The following HDAC9 variants were observed in gnomAD, a reference collection of about 807,000 sequenced individuals.
HDAC9 encodes the protein MEF-2 interacting transcription repressor (MITR) protein.
In HDAC9, 41 loss-of-function variants were observed where a neutral mutation model predicts 139.4. That is an observed-to-expected ratio of 0.29 (90% CI 0.23 to 0.38). The LOEUF (loss-of-function observed/expected upper bound fraction) is 0.38, where lower values mean the gene tolerates loss of function less well. HDAC9 is among the 10% of genes least tolerant of loss of function. The pLI is 1.00. For missense variants in HDAC9, 1,147 were observed against 1,297.0 expected (o/e 0.88, Z 1.78); for synonymous variants, 517 against 476.2 (o/e 1.09, Z -1.12).
chr7:18,704,805 G>C (rs1783758882), intron 12 of HDAC9, among the ~76,000 whole-genome samples: 1 of 152,086 alleles, frequency 6.6e-6, no homozygotes, highest in Non-Finnish European at 1.5e-5. Flanking sequence ...ATCACAAGCA[G>C]TTAAATACTA....
At chr7:18,621,364 C>T (rs1436125775) in intron 6 of HDAC9, among the ~76,000 whole-genome samples, 3 of 151,708 alleles carry the variant, frequency 2.0e-5, no homozygotes, top group African/African-American at 7.3e-5. Flanking sequence ...CTTACATAAT[C>T]GGAAGCAAGC....
At chr7:18,147,563 AAT>A (rs987109487) in intron 1 of HDAC9, among the ~76,000 whole-genome samples, 12 of 152,106 alleles carry the variant, frequency 7.9e-5, no homozygotes, top group Admixed American at 4.6e-4. Flanking sequence ...AATTCAGAAA[AAT>A]ATGAATAATA....
chr7:18,741,559 T>G (rs573015058), intron 13 of HDAC9, among the ~76,000 whole-genome samples: 88 of 152,340 alleles, frequency 5.8e-4, no homozygotes, highest in Non-Finnish European at 1.1e-3. Flanking sequence ...AGAACTCTGA[T>G]GGACATGTGC....
intron 2 of HDAC9, among the ~76,000 whole-genome samples, chr7:18,529,413 T>C (rs943709927): frequency 1.3e-5 from 2 of 152,228 alleles, no homozygotes; most frequent in Non-Finnish European, 2.9e-5. Context: ...ACAGAGATTT[T>C]ACTTTAGCCA....
chr7:18,219,480 G>A (rs1792534247), intron 2 of HDAC9, among the ~76,000 whole-genome samples: 1 of 151,988 alleles, frequency 6.6e-6, no homozygotes, highest in Admixed American at 6.6e-5. Flanking sequence ...GAGTTAAAAA[G>A]TGAGAAGATG....
chr7:18,665,930 C>T (rs911632209), intron 11 of HDAC9, among the ~76,000 whole-genome samples: 1 of 152,024 alleles, frequency 6.6e-6, no homozygotes, highest in African/African-American at 2.4e-5. Context: ...CCTTTTTCTA[C>T]ACCATGTTCT....
chr7:18,806,533 T>C (rs1793726300), intron 17 of HDAC9, among the ~76,000 whole-genome samples: 1 of 152,218 alleles, frequency 6.6e-6, no homozygotes, highest in African/African-American at 2.4e-5. Flanking sequence ...TTTCTAACCC[T>C]TTCTGTCATT....
intron 23 of HDAC9, among the ~76,000 whole-genome samples, chr7:18,940,746 C>T (rs1781968529): frequency 6.6e-6 from 1 of 152,124 alleles, no homozygotes; most frequent in Admixed American, 6.5e-5. Context: ...CCAAATTTGC[C>T]TACTGTTATG....
At chr7:18,599,082 G>A (rs1482838883) in intron 6 of HDAC9, among the ~76,000 whole-genome samples, 1 of 152,224 alleles carries the variant, frequency 6.6e-6, no homozygotes, top group African/African-American at 2.4e-5. Context: ...TCTGATTGAT[G>A]TTCTGTGCTC....
At chr7:18,613,984 TA>T (rs1327319785) in intron 6 of HDAC9, among the ~76,000 whole-genome samples, 1 of 152,160 alleles carries the variant, frequency 6.6e-6, no homozygotes. Flanking sequence ...CTGAGGTTCC[TA>T]AAGTTGCATT....
In HDAC9 at chr7:18,253,679, G is replaced by A. The variant is rs375198335; in HGVS notation, c.25+91330G>A. On this transcript the variant is annotated intron_variant, in intron 2 of 12. Transcript: ENST00000417496. ...CACCATCCAGTTTGAGTTAGTATTC[G>A]TGGTAAGGGGACAGGTGTTGGGAAC... is the stretch of plus-strand genomic sequence containing the variant. Among the ~76,000 whole-genome samples the A allele has an allele frequency of 1.8e-4, 28 of 152,220 alleles. No homozygotes were observed. The East Asian group carries it at 2.3e-3, about 13-fold the overall frequency.
At chr7:18,702,735 G>C (rs1032809738) in intron 12 of HDAC9, among the ~76,000 whole-genome samples, 1 of 152,170 alleles carries the variant, frequency 6.6e-6, no homozygotes, top group African/African-American at 2.4e-5. Context: ...CAACTCGGCG[G>C]AACAATTAGA....
At chr7:18,372,784 T>C (rs10435065) in intron 1 of HDAC9, among the ~76,000 whole-genome samples, 1 of 152,324 alleles carries the variant, frequency 6.6e-6, no homozygotes, top group East Asian at 1.9e-4. Context: ...ATGGCATTTA[T>C]GGTGATGTCA....
chr7:18,517,387 T>A (rs971369593), intron 2 of HDAC9, among the ~76,000 whole-genome samples: 2 of 152,178 alleles, frequency 1.3e-5, no homozygotes, highest in African/African-American at 4.8e-5. Flanking sequence ...GTATGGTCCC[T>A]TACACCTGGT....
intron 9 of HDAC9, among the ~76,000 whole-genome samples, chr7:18,645,511 C>T (rs1336212459): frequency 6.6e-6 from 1 of 152,114 alleles, no homozygotes; most frequent in Non-Finnish European, 1.5e-5. Context: ...TTTCCTAGTA[C>T]TCAGCAGAGA....
chr7:18,353,947 T>C (rs1192838111), intron 1 of HDAC9, among the ~76,000 whole-genome samples: 1 of 152,208 alleles, frequency 6.6e-6, no homozygotes, highest in Non-Finnish European at 1.5e-5. Context: ...CAGTGTGACC[T>C]GTTTCACCTT....
intron 21 of HDAC9, among the ~76,000 whole-genome samples, chr7:18,844,075 T>A (rs899945891): frequency 7.9e-5 from 12 of 152,202 alleles, no homozygotes; most frequent in African/African-American, 1.9e-4. Context: ...TGGTGTCATA[T>A]AGATGGAACT....
intron 2 of HDAC9, among the ~76,000 whole-genome samples, chr7:18,233,958 C>CG (rs1157322923): frequency 1.3e-5 from 2 of 151,902 alleles, no homozygotes; most frequent in African/African-American, 4.8e-5. Context: ...TTTATATAGT[C>CG]ATCTGCATCA....
chr7:18,989,302 T>TG (rs1391132185), intron 25 of HDAC9, among the ~76,000 whole-genome samples: 4 of 151,710 alleles, frequency 2.6e-5, no homozygotes, highest in African/African-American at 9.7e-5. Context: ...GTAAAGTATT[T>TG]AATTTCTCCT....
Sources: gnomAD v4.1 joint callset for allele counts (sites outside exome capture counted in the v4.1 genomes callset) on GRCh38, gnomAD v4.1.1 for gene constraint, MANE v1.5 for transcripts, NCBI Gene and HGNC (gene_info 2026-07-23, HGNC 2026-07-21) for gene names.